The following SIX4 variants were observed in gnomAD, a reference collection of about 807,000 sequenced individuals.
The protein encoded by SIX4 is homeobox protein SIX4.
Under a neutral mutation model 51.5 loss-of-function variants are expected in SIX4, and 23 were observed. That is an observed-to-expected ratio of 0.45 (90% CI 0.32 to 0.63). The LOEUF (loss-of-function observed/expected upper bound fraction) is 0.63, where lower values mean the gene tolerates loss of function less well. Ranked by LOEUF, SIX4 falls within the 30% of genes least tolerant of loss-of-function variation. SIX4 has a pLI of 0.04. For synonymous variants in SIX4, 413 were observed against 417.3 expected (o/e 0.99, Z 0.13); for missense variants, 867 against 984.0 (o/e 0.88, Z 1.59).
chr14:60,714,644 T>C (rs898458486), intron 2 of SIX4, among the ~76,000 whole-genome samples: 3 of 151,922 alleles, frequency 2.0e-5, no homozygotes, highest in African/African-American at 7.3e-5. Flanking sequence ...GGATAGAACA[T>C]GTCAAAGGTT....
rs138087197 is a variant in SIX4, at chr14:60,723,331, A to T, written c.744T>A (p.Pro248=). The part of the protein sequence containing the change: ...LKELYKQNRY[P]SPAEKRHLAK... ...CCAGGTGCCGCTTCTCGGCGGGCGA[A>T]GGGTAGCGATTCTGCTTGTAGAGCT... The change falls in exon 1 of 3, where the codon CCT becomes CCA. Residue 248 remains proline, a synonymous_variant. Coordinates refer to ENST00000216513, the MANE Select transcript of SIX4 (RefSeq NM_017420.5). The T allele has an allele frequency of 4.0e-4, 641 of 1,612,330 alleles. 2 individuals carry two copies. The African/African-American group carries it at 7.0e-3, about 18-fold the overall frequency.
Position 60,717,972 on chromosome 14 carries a change from A to C in SIX4, c.1549+1788T>G, listed in dbSNP as rs1174377344. On this transcript the variant is annotated intron_variant, in intron 2 of 2. Transcript: ENST00000216513. This position sits in a 1 kb window ranked among gnomAD's most constrained non-coding sequence, Gnocchi z 4.6. ...GGCTGCAGTGAGCCGAGATCGCGCCACTGTACTCCAGCCTGGGTGACAAAA... is the reference window on the plus strand; with the variant it reads ...GGCTGCAGTGAGCCGAGATCGCGCCCCTGTACTCCAGCCTGGGTGACAAAA... The C allele has an allele frequency of 1.7e-5, 4 of 229,632 alleles. No individual in the cohort carries two copies. The highest frequency in any genetic ancestry group is 3.4e-5 in the Non-Finnish European group (4 of 116,218). The allele number at this position is 229,632 out of a possible 1,614,324, so 14.2% of individuals were successfully genotyped here. A position where few individuals can be genotyped will look rare whatever the true frequency, so the allele number is the denominator to read the frequency against.
rs577794242 is a variant in SIX4 at position 60,722,743 on chromosome 14, G to C, written c.863+469C>G. On this transcript the variant is annotated intron_variant, in intron 1 of 2. Coordinates refer to ENST00000216513, the MANE Select transcript of SIX4 (RefSeq NM_017420.5). This position sits in a 1 kb window ranked among gnomAD's most constrained non-coding sequence, Gnocchi z 5.9. ...GAACCCTGGGGATCCGGGAGCGTGC[G>C]CGCGCGCCAGGCCCGGTGTGACCTC... 1.2e-4 allele frequency among the ~76,000 whole-genome samples: 18 copies of C among 152,144 alleles called. No homozygotes were observed. In the East Asian group the frequency reaches 3.5e-3, roughly 30 times the overall value.
At position 60,723,209 on chromosome 14, in the gene SIX4, C is replaced by T. The variant is rs1212322503; in HGVS notation, c.863+3G>A. On this transcript the variant is annotated splice_donor_region_variant and intron_variant, in intron 1 of 2. Coordinates refer to ENST00000216513, the MANE Select transcript of SIX4 (RefSeq NM_017420.5). Reference sequence around the variant, plus strand: ...GGGGAGGAGGAGGAAAGTTGGCGCTCACCTTTTGGACTGGGTCTCGGAGGG... The same window carrying T: ...GGGGAGGAGGAGGAAAGTTGGCGCTTACCTTTTGGACTGGGTCTCGGAGGG... 2 of 1,598,548 alleles carry T rather than the reference C, an allele frequency of 1.3e-6. No homozygotes were observed. Among genetic ancestry groups the T allele is most frequent in the Non-Finnish European group, 1.7e-6 (2 of 1,172,646 alleles).
In SIX4 at chr14:60,724,236, C is replaced by A. The variant is rs921834013; in HGVS notation, c.-162G>T. Reference sequence around the variant, plus strand: ...CGGCTGTATCTGGCCGATCAGGTTTCCCCCCGGCCACGCAGTCACCATTAA... The same window carrying A: ...CGGCTGTATCTGGCCGATCAGGTTTACCCCCGGCCACGCAGTCACCATTAA... On this transcript the variant is annotated 5_prime_UTR_variant, in exon 1 of 3. Transcript: ENST00000216513. 5.2e-6 allele frequency: 8 copies of A among 1,540,050 alleles called. No homozygotes were observed. Among genetic ancestry groups the A allele is most frequent in the Non-Finnish European group, 7.0e-6 (8 of 1,148,806 alleles).
In SIX4 at chr14:60,723,932, G is replaced by A. The variant is rs1299123346; in HGVS notation, c.143C>T (p.Pro48Leu). ...GAAVGLSPPA[P>L]APFPLEPGDA... ...CCCCGGCTCCAGGGGAAAAGGGGCTGGAGCCGGGGGGCTCAGCCCTACCGC... is the reference window on the plus strand; with the variant it reads ...CCCCGGCTCCAGGGGAAAAGGGGCTAGAGCCGGGGGGCTCAGCCCTACCGC... Residue 48 changes from proline (P) to leucine (L), a missense_variant, in exon 1 of 3, where the codon CCA (proline) becomes CTA (leucine). Transcript: ENST00000216513. 4 of 1,511,546 alleles carry A rather than the reference G, an allele frequency of 2.6e-6. No individual in the cohort carries two copies. In the African/African-American group the frequency reaches 5.7e-5, roughly 22 times the overall value. The allele number at this position is 1,511,546 out of a possible 1,614,324, so 93.6% of individuals were successfully genotyped here.
rs1566741526 is a variant in SIX4 at position 60,724,265 on chromosome 14, A to G, written c.-191T>C. 7 of 1,533,548 alleles carry G rather than the reference A, an allele frequency of 4.6e-6. No individual in the cohort carries two copies. The East Asian group carries it at 7.3e-5, about 16-fold the overall frequency. 95.0% of individuals were successfully genotyped at this position (1,533,548 alleles called of 1,614,324 possible). Reference sequence around the variant, plus strand: ...CCGGCCACGCAGTCACCATTAAGATAGCTGTTAGAGCAAAGTAGTGTAAAC... The same window carrying G: ...CCGGCCACGCAGTCACCATTAAGATGGCTGTTAGAGCAAAGTAGTGTAAAC... On this transcript the variant is annotated 5_prime_UTR_variant, in exon 1 of 3. Coordinates refer to ENST00000216513, the MANE Select transcript of SIX4 (RefSeq NM_017420.5).
At chr14:60,718,030 A>ATAC (rs1435517571) in intron 2 of SIX4, 2 of 219,364 alleles carry the variant, frequency 9.1e-6, no homozygotes, top group Non-Finnish European at 1.8e-5. Context: ...AATAATAATA[A>ATAC]TAATAATAAT....
In SIX4 at chr14:60,717,406, C is replaced by A. The variant is rs1895937626; in HGVS notation, c.1549+2354G>T. ...ATTCTTGTAGGCAGCTGATTTGTGG[C>A]AAAAAAACATCTCAAATAGATGTTT... On this transcript the variant is annotated intron_variant, in intron 2 of 2. Coordinates refer to ENST00000216513, the MANE Select transcript of SIX4 (RefSeq NM_017420.5). This position sits in a 1 kb window ranked among gnomAD's most constrained non-coding sequence, Gnocchi z 4.6. Among the ~76,000 whole-genome samples, 2 of 151,818 alleles carry A rather than the reference C, an allele frequency of 1.3e-5. No homozygotes were observed. Among genetic ancestry groups the A allele is most frequent in the Non-Finnish European group, 2.9e-5 (2 of 67,966 alleles).
In SIX4 at chr14:60,712,175, C is replaced by T. The variant is rs1421205542; in HGVS notation, c.*1232G>A. 6.6e-6 allele frequency: 1 copy of T among 152,528 alleles called. No individual in the cohort carries two copies. Among genetic ancestry groups the T allele is most frequent in the Non-Finnish European group, 1.5e-5 (1 of 68,004 alleles). The allele number at this position is 152,528 out of a possible 1,614,324, so 9.4% of individuals were successfully genotyped here. On this transcript the variant is annotated 3_prime_UTR_variant, in exon 3 of 3. Transcript: ENST00000216513. ...CTTTCCTTTAAAATGGTTTTCATAGCCTGTATAATCAATTTGACATGGTAT... is the reference window on the plus strand; with the variant it reads ...CTTTCCTTTAAAATGGTTTTCATAGTCTGTATAATCAATTTGACATGGTAT...
At chr14:60,718,007 G>A (rs907622311) in intron 2 of SIX4, 7 of 233,936 alleles carry the variant, frequency 3.0e-5, no homozygotes, top group South Asian at 1.6e-4. Flanking sequence ...ATGAGTCTCC[G>A]CCTAAAAATA....
Position 60,724,250 on chromosome 14 carries a change from A to C in SIX4, c.-176T>G. On this transcript the variant is annotated 5_prime_UTR_variant, in exon 1 of 3. Coordinates refer to ENST00000216513, the MANE Select transcript of SIX4 (RefSeq NM_017420.5). The stretch of plus-strand genomic sequence containing the variant: ...CGATCAGGTTTCCCCCCGGCCACGC[A>C]GTCACCATTAAGATAGCTGTTAGAG... 6.5e-7 allele frequency: 1 copy of C among 1,536,334 alleles called. No homozygotes were observed. Among genetic ancestry groups the C allele is most frequent in the Non-Finnish European group, 8.7e-7 (1 of 1,147,410 alleles).
chr14:60,720,952 G>T lies in SIX4; in HGVS notation c.864-507C>A. 1.0e-6 allele frequency: 1 copy of T among 987,326 alleles called. No homozygotes were observed. Among genetic ancestry groups the T allele is most frequent in the Non-Finnish European group, 1.2e-6 (1 of 831,324 alleles). 61.2% of individuals were successfully genotyped at this position (987,326 alleles called of 1,614,324 possible). On this transcript the variant is annotated intron_variant, in intron 1 of 2. Coordinates refer to ENST00000216513, the MANE Select transcript of SIX4 (RefSeq NM_017420.5). This position sits in a 1 kb window ranked among gnomAD's most constrained non-coding sequence, Gnocchi z 5.5. Reference sequence around the variant, plus strand: ...GTGCTCAGCTTTTCTTTTTTGGTCAGTTAGTTAACAAGAGATCGTTTTCTC... The same window carrying T: ...GTGCTCAGCTTTTCTTTTTTGGTCATTTAGTTAACAAGAGATCGTTTTCTC...
At chr14:60,721,392 G>A (rs1366841077) in intron 1 of SIX4, among the ~76,000 whole-genome samples, 5 of 152,236 alleles carry the variant, frequency 3.3e-5, no homozygotes, top group Non-Finnish European at 7.3e-5. Flanking sequence ...TGGCCCAGCA[G>A]AGGATCCGAC....
rs1000102938 is a variant in SIX4 at position 60,719,669 on chromosome 14, A to G, written c.1549+91T>C. 1.5e-6 allele frequency: 2 copies of G among 1,311,512 alleles called. No homozygotes were observed. Among genetic ancestry groups the G allele is most frequent in the African/African-American group, 1.5e-5 (1 of 68,442 alleles). 81.2% of individuals were successfully genotyped at this position (1,311,512 alleles called of 1,614,324 possible). ...CAGCTAATAAGGTACCTGAACAGAA[A>G]CATCAATCTATAGCTATCACCAAAT... is the stretch of plus-strand genomic sequence containing the variant. On this transcript the variant is annotated intron_variant, in intron 2 of 2. Transcript: ENST00000216513. The surrounding 1 kb of genome is among the most constrained non-coding windows in gnomAD (Gnocchi z 4.9).
intron 1 of SIX4, among the ~76,000 whole-genome samples, chr14:60,721,708 G>A (rs955454713): frequency 1.3e-5 from 2 of 152,198 alleles, no homozygotes; most frequent in African/African-American, 4.8e-5. Flanking sequence ...GCTCGCGAGC[G>A]GAGGCGGCGG....
At position 60,713,388 on chromosome 14, in the gene SIX4, G is replaced by C; in HGVS notation, c.*19C>G. 6.4e-7 allele frequency: 1 copy of C among 1,560,746 alleles called. No homozygotes were observed. The highest frequency in any genetic ancestry group is 8.7e-7 in the Non-Finnish European group (1 of 1,155,710). On this transcript the variant is annotated 3_prime_UTR_variant, in exon 3 of 3. Transcript: ENST00000216513. ...AGATTTGCCGCTGATGCCAAAAAGA[G>C]GTGAGGAGGAAATAAAGTTCATAAG...
At position 60,720,118 on chromosome 14, in the gene SIX4, T is replaced by C. The variant is rs1895994901; in HGVS notation, c.1191A>G (p.Ser397=). 2 of 1,614,216 alleles carry C rather than the reference T, an allele frequency of 1.2e-6. No homozygotes were observed. The highest frequency in any genetic ancestry group is 1.7e-5 in the Admixed American group (1 of 60,028). Residue 397 remains serine (S), a synonymous_variant, in exon 2 of 3, where the codon TCA becomes TCG. Transcript: ENST00000216513. This position sits in a 1 kb window ranked among gnomAD's most constrained non-coding sequence, Gnocchi z 5.5. ...ATATACCATTGCTCACAATGTTTGA[T>C]GACATTTTTGGTGGGTTCAATGCCA... ...QAVALNPPKM[S]SNIVSNGISM...
intron 1 of SIX4, among the ~76,000 whole-genome samples, chr14:60,721,637 G>T (rs1896022200): frequency 1.3e-5 from 2 of 150,274 alleles, no homozygotes; most frequent in Non-Finnish European, 3.0e-5. Flanking sequence ...TTTATGGGGT[G>T]GGGCGGGGGG....
Sources: gnomAD v4.1 joint callset for allele counts (sites outside exome capture counted in the v4.1 genomes callset) on GRCh38, gnomAD v4.1.1 for gene constraint, Gnocchi (gnomAD v3.1) non-coding constraint, MANE v1.5 for transcripts, NCBI Gene and HGNC (gene_info 2026-07-23, HGNC 2026-07-21) for gene names.